ISY1: variants seen among roughly 807,000 people sequenced by gnomAD.
ISY1 encodes the protein ISY1 spliceosome associated protein, also known as pre-mRNA-splicing factor ISY1 homolog.
ISY1 carries 12 observed loss-of-function variants against 54.4 expected under a neutral mutation model. The observed-to-expected ratio is 0.22, with a 90% CI of 0.14 to 0.36. ISY1 has a LOEUF of 0.36. Among genes scored for constraint, ISY1 ranks in the 10% least tolerant of loss-of-function variants. The pLI, the probability that ISY1 is intolerant of heterozygous loss-of-function variation, is 1.00. For synonymous variants in ISY1, 96 were observed against 117.9 expected (o/e 0.81, Z 1.20); for missense variants, 282 against 342.2 (o/e 0.82, Z 1.39).
At chr3:129,144,969 G>T (rs956293592) in intron 6 of ISY1, among the ~76,000 whole-genome samples, 1 of 152,126 alleles carries the variant, frequency 6.6e-6, no homozygotes, top group African/African-American at 2.4e-5. Context: ...GAGGTGCAAT[G>T]GCATGATGAC....
At chr3:129,150,298 T>TTAAG (rs758034029) in intron 5 of ISY1, among the ~76,000 whole-genome samples, 1 of 152,228 alleles carries the variant, frequency 6.6e-6, no homozygotes, top group Non-Finnish European at 1.5e-5. Context: ...CTGTACTGTG[T>TTAAG]TAAGTCTTCC....
intron 2 of ISY1, among the ~76,000 whole-genome samples, 191 bp downstream of exon 2, chr3:129,158,963 G>T (rs949795833): frequency 6.6e-6 from 1 of 152,116 alleles, no homozygotes; most frequent in Non-Finnish European, 1.5e-5. Context: ...GAAACTGTGA[G>T]AAAACACATA....
intron 7 of ISY1, 124 bp downstream of exon 7, chr3:129,140,244 A>G (rs1018083075): frequency 1.2e-6 from 1 of 823,976 alleles, no homozygotes; most frequent in East Asian, 2.6e-5. Flanking sequence ...TCTGGGAACA[A>G]TAATTCCTAC....
At chr3:129,143,143 G>A (rs1936670878) in intron 6 of ISY1, among the ~76,000 whole-genome samples, 1 of 152,092 alleles carries the variant, frequency 6.6e-6, no homozygotes, top group African/African-American at 2.4e-5. Flanking sequence ...TGCACCTGGA[G>A]TCAAGGCTGC....
chr3:129,130,460 G>A (rs959795624), intron 10 of ISY1, 90 bp downstream of exon 10: 1 of 1,497,952 alleles, frequency 6.7e-7, no homozygotes, highest in African/African-American at 1.4e-5. Context: ...CTGATGGGTA[G>A]GAAGGACAAC....
intron 3 of ISY1, among the ~76,000 whole-genome samples, chr3:129,157,716 C>CAAAAA (rs1265760940): frequency 2.2e-5 from 1 of 44,498 alleles, no homozygotes; most frequent in African/African-American, 9.5e-5. Flanking sequence ...GCGTCCATCT[C>CAAAAA]AAAAAAAAAA....
intron 9 of ISY1, among the ~76,000 whole-genome samples, chr3:129,133,621 A>G (rs7620968): frequency 0.93 from 141,072 of 152,232 alleles, 65,759 homozygotes; most frequent in East Asian, 0.99. Context: ...TTGAACCCGG[A>G]AGGCAGAGGT....
chr3:129,138,829 A>G (rs2107605374), intron 7 of ISY1, among the ~76,000 whole-genome samples: 1 of 131,826 alleles, frequency 7.6e-6, no homozygotes, highest in Non-Finnish European at 1.5e-5. Flanking sequence ...AAAAAAAAAG[A>G]AAGAAAGAAA....
In ISY1 at chr3:129,159,391, C is replaced by T. The variant is rs79137022; in HGVS notation, c.4-215G>A. ...TTAAAATCTTTACTCCTCCACTGAC[C>T]CTAACACCTTGTATCTGGCTAACTT... On this transcript the variant is annotated intron_variant, in intron 1 of 10. Transcript: ENST00000393295. 4.1e-3 allele frequency among the ~76,000 whole-genome samples: 621 copies of T among 152,180 alleles called. 9 individuals are homozygous for T. In the East Asian group the frequency reaches 0.049, roughly 12 times the overall value.
intron 5 of ISY1, among the ~76,000 whole-genome samples, chr3:129,149,364 G>A (rs1385351418): frequency 1.4e-5 from 2 of 144,874 alleles, no homozygotes; most frequent in Non-Finnish European, 3.0e-5. Flanking sequence ...GGGAGGTGGA[G>A]GTGTGGTGAG....
At chr3:129,157,000 G>A in intron 3 of ISY1, 80 bp from the exon 4 acceptor site, 1 of 1,510,788 alleles carries the variant, frequency 6.6e-7, no homozygotes, top group Middle Eastern at 1.7e-4. Context: ...CAGGCCTTAA[G>A]CCTAAATCAT....
chr3:129,149,604 AAAAAAAATATATATATATATAT>A (rs1936879748), intron 5 of ISY1, among the ~76,000 whole-genome samples: 2 of 87,774 alleles, frequency 2.3e-5, no homozygotes, highest in African/African-American at 1.1e-4. Context: ...AAAAAAAAAA[AAAAAAAATATATATATATATAT>A]ATATATATAT....
intron 3 of ISY1, among the ~76,000 whole-genome samples, 189 bp from the exon 4 acceptor site, chr3:129,157,109 A>C (rs1207673365): frequency 6.6e-6 from 1 of 152,162 alleles, no homozygotes; most frequent in East Asian, 1.9e-4. Flanking sequence ...CATTGATTGC[A>C]TTGTATTTAA....
rs371794746 is a variant in ISY1, at chr3:129,133,156, T to C, written c.663+918A>G. Among the ~76,000 whole-genome samples, 7 of 152,220 alleles carry C rather than the reference T, an allele frequency of 4.6e-5. No homozygotes were observed. The East Asian group carries it at 5.8e-4, about 13-fold the overall frequency. On this transcript the variant is annotated intron_variant, in intron 9 of 10. Coordinates refer to ENST00000393295, the MANE Select transcript of ISY1 (RefSeq NM_020701.4). ...TTTCAGAATACCTCCTTTAATGCAG[T>C]GAAGTTTTGGTAATGTTTCATAGAA...
rs531568849 is a variant in ISY1 at position 129,135,744 on chromosome 3, C to T, written c.419-790G>A. 1.4e-4 allele frequency among the ~76,000 whole-genome samples: 21 copies of T among 149,582 alleles called. No individual in the cohort carries two copies. In the East Asian group the frequency reaches 3.3e-3, roughly 24 times the overall value. ...CTGCACCACTGCACTGCAGCCTGGG[C>T]GACAGAGCGAGACTCCATCTCAAAA... On this transcript the variant is annotated intron_variant, in intron 7 of 10. Transcript: ENST00000393295.
chr3:129,156,674 A>G lies in ISY1; in HGVS notation c.146T>C (p.Ile49Thr). Residue 49 changes from isoleucine (I) to threonine (T), a missense_variant and splice_region_variant, in exon 5 of 11, where the codon ATC (isoleucine) becomes ACC (threonine). Physicochemically the swap from Ile to Thr is moderately conservative, Grantham distance 89. This residue lies in a region of ISY1 where 279 missense variants were observed against 323.6 expected (regional missense o/e 0.86). Transcript: ENST00000393295. ...CACTTTTTTAGAGATCTCTCCAATG[A>G]TCTATTAAAAAAAAGTAATACATTT... ...LPKAEKWRRQ[I>T]IGEISKKVAQ... is the part of the protein sequence containing the mutation. 6.2e-7 allele frequency: 1 copy of G among 1,605,130 alleles called. No individual in the cohort carries two copies.
At position 129,158,575 on chromosome 3, in the gene ISY1, A is replaced by G; in HGVS notation, c.27-16T>C. 1 of 1,613,954 alleles carries G rather than the reference A, an allele frequency of 6.2e-7. No homozygotes were observed. On this transcript the variant is annotated splice_polypyrimidine_tract_variant and intron_variant, in intron 2 of 10. Transcript: ENST00000393295. Reference sequence around the variant, plus strand: ...TAAGGCCGTCCTACCAGCGATATAAAAGATAAAAGACTCCATTAGATCCTG... The same window carrying G: ...TAAGGCCGTCCTACCAGCGATATAAGAGATAAAAGACTCCATTAGATCCTG...
chr3:129,138,561 G>A (rs921562872), intron 7 of ISY1, among the ~76,000 whole-genome samples: 3 of 150,454 alleles, frequency 2.0e-5, no homozygotes, highest in Admixed American at 6.6e-5. Flanking sequence ...GGAGAATGGT[G>A]TGAACCCAGG....
chr3:129,133,144 C>T (rs1229995673), intron 9 of ISY1, among the ~76,000 whole-genome samples: 1 of 152,116 alleles, frequency 6.6e-6, no homozygotes, highest in African/African-American at 2.4e-5. Flanking sequence ...CAGAATACCT[C>T]CTTTAATGCA....
Sources: allele counts gnomAD v4.1 joint callset (sites outside exome capture counted in the v4.1 genomes callset), GRCh38; gene constraint gnomAD v4.1.1; regional missense constraint gnomAD v4.1.1; transcripts MANE v1.5; gene names NCBI Gene and HGNC (gene_info 2026-07-23, HGNC 2026-07-21).